The following ABCG8 variants were observed in gnomAD, a reference collection of about 807,000 sequenced individuals.
ABCG8 encodes ATP-binding cassette sub-family G member 8.
Under a neutral mutation model 71.3 loss-of-function variants are expected in ABCG8, and 81 were observed. That is an observed-to-expected ratio of 1.14 (90% CI 0.95 to 1.37). ABCG8 has a LOEUF of 1.37. ABCG8 is among the 40% of genes most tolerant of loss of function. ABCG8 has a pLI of 0.00. For missense variants in ABCG8, 1,119 were observed against 866.2 expected, an observed-to-expected ratio of 1.29 and a Z score of -3.66; for synonymous variants, 451 against 354.7, an observed-to-expected ratio of 1.27 and a Z score of -3.05.
At chr2:43,870,846 A>C (rs1558847832) in intron 6 of ABCG8, among the ~76,000 whole-genome samples, 3 of 150,502 alleles carry the variant, frequency 2.0e-5, no homozygotes, top group Admixed American at 2.0e-4. Flanking sequence ...CTCACTGTCT[A>C]TCTGGATAGA....
chr2:43,844,903 A>G (rs1264256339), intron 2 of ABCG8, among the ~76,000 whole-genome samples: 1 of 152,078 alleles, frequency 6.6e-6, no homozygotes, highest in East Asian at 1.9e-4. Flanking sequence ...TTTTGAAATA[A>G]CTTTAGATTT....
chr2:43,866,201 G>A (rs1392531451), intron 6 of ABCG8, among the ~76,000 whole-genome samples: 2 of 151,658 alleles, frequency 1.3e-5, no homozygotes, highest in Non-Finnish European at 2.9e-5. Flanking sequence ...AATTCAAGAT[G>A]GATTAAAGAG....
At chr2:43,852,910 G>A (rs1458689088) in intron 6 of ABCG8, 42 bp downstream of exon 6, 1 of 1,610,592 alleles carries the variant, frequency 6.2e-7, no homozygotes, top group Non-Finnish European at 8.5e-7. Context: ...GGCACACAGG[G>A]CCTCCCCGAT....
chr2:43,872,336 C>T (rs982420514), intron 8 of ABCG8, 30 bp downstream of exon 8: 6 of 1,595,744 alleles, frequency 3.8e-6, no homozygotes, highest in South Asian at 2.2e-5. Flanking sequence ...TTACTGAACC[C>T]GCCCCCCTGC....
In ABCG8 at chr2:43,872,148, C is replaced by A. The variant is rs574933503; in HGVS notation, c.1127+10C>A. ...ACACCTGTGTGGAAAGGTAAGGTGG[C>A]AGGCGACTCTGAGAGGAGAGCTCCC... On this transcript the variant is annotated intron_variant, in intron 7 of 12. Transcript: ENST00000272286. 1.2e-6 allele frequency: 2 copies of A among 1,614,096 alleles called. No homozygotes were observed. Among genetic ancestry groups the A allele is most frequent in the South Asian group, 1.1e-5 (1 of 91,074 alleles).
chr2:43,851,399 G>C (rs890299997), intron 3 of ABCG8, among the ~76,000 whole-genome samples, 185 bp from the exon 4 acceptor site: 10 of 152,256 alleles, frequency 6.6e-5, no homozygotes, highest in African/African-American at 2.4e-4. Context: ...CAGACAGAAG[G>C]CTTGGAGCTC....
intron 6 of ABCG8, among the ~76,000 whole-genome samples, chr2:43,858,525 G>T (rs1028095099): frequency 5.3e-5 from 8 of 151,496 alleles, no homozygotes; most frequent in Non-Finnish European, 1.0e-4. Flanking sequence ...TATCTCGATA[G>T]AATTCTCACC....
Position 43,839,074 on chromosome 2 carries a change from G to A in ABCG8, c.21G>A (p.Glu7=), listed in dbSNP as rs771255227. Residue 7 remains glutamate, a synonymous_variant, in exon 1 of 13, where the codon GAG becomes GAA. Coordinates refer to ENST00000272286, the MANE Select transcript of ABCG8 (RefSeq NM_022437.3). MAGKAA[E]ERGLPKGATP... ...GCCCCATGGCCGGGAAGGCGGCAGA[G>A]GAGAGAGGGCTGCCGAAAGGGGCCA... 1 of 1,551,208 alleles carries A rather than the reference G, an allele frequency of 6.4e-7. No individual in the cohort carries two copies. Among genetic ancestry groups the A allele is most frequent in the South Asian group, 1.2e-5 (1 of 84,044 alleles).
At position 43,877,996 on chromosome 2, in the gene ABCG8, G is replaced by A. The variant is rs141679476; in HGVS notation, c.*83G>A. On this transcript the variant is annotated 3_prime_UTR_variant, in exon 13 of 13. Transcript: ENST00000272286. ...CCCTCCTCAGGAGCCCCTTCCTGGGGACAGTGAGGACAATGACCCTACAGA... is the reference window on the plus strand; with the variant it reads ...CCCTCCTCAGGAGCCCCTTCCTGGGAACAGTGAGGACAATGACCCTACAGA... The A allele has an allele frequency of 2.0e-5, 32 of 1,595,490 alleles. No homozygotes were observed. The highest frequency in any genetic ancestry group is 4.5e-5 in the South Asian group (4 of 89,156).
intron 6 of ABCG8, among the ~76,000 whole-genome samples, chr2:43,863,403 A>T (rs550795712): frequency 7.0e-6 from 1 of 143,560 alleles, no homozygotes; most frequent in Non-Finnish European, 1.6e-5. Context: ...CTCGCTATTC[A>T]TCTAGAGAGA....
At chr2:43,857,710 C>G (rs1016378357) in intron 6 of ABCG8, among the ~76,000 whole-genome samples, 1 of 151,842 alleles carries the variant, frequency 6.6e-6, no homozygotes, top group South Asian at 2.1e-4. Flanking sequence ...CTCTTACTAC[C>G]TGGAGAGAAC....
intron 3 of ABCG8, chr2:43,846,568 T>C (rs1668749916): frequency 4.1e-6 from 2 of 493,550 alleles, no homozygotes. Flanking sequence ...CCAGAGCATC[T>C]GACTTTGGCT....
At chr2:43,877,246 G>A (rs1415608518) in intron 11 of ABCG8, among the ~76,000 whole-genome samples, 1 of 148,468 alleles carries the variant, frequency 6.7e-6, no homozygotes, top group Non-Finnish European at 1.5e-5. Flanking sequence ...GGGGGAGGCC[G>A]TGTCAATATA....
chr2:43,873,274 C>T (rs570961152), intron 8 of ABCG8, among the ~76,000 whole-genome samples: 16 of 151,868 alleles, frequency 1.1e-4, no homozygotes, highest in Admixed American at 5.9e-4. Context: ...CTGCAACCTC[C>T]GCCTCCCAGG....
At position 43,839,110 on chromosome 2, in the gene ABCG8, T is replaced by G; in HGVS notation, c.57T>G (p.Asp19Glu). 6.4e-7 allele frequency: 1 copy of G among 1,551,186 alleles called. No homozygotes were observed. Among genetic ancestry groups the G allele is most frequent in the Non-Finnish European group, 8.7e-7 (1 of 1,146,764 alleles). Residue 19 changes from aspartate (D) to glutamate (E), a missense_variant, in exon 1 of 13, where the codon GAT (aspartate) becomes GAG (glutamate). Coordinates refer to ENST00000272286, the MANE Select transcript of ABCG8 (RefSeq NM_022437.3). ...RGLPKGATPQ[D>E]TSGLQDRLFS... ...TGCCGAAAGGGGCCACTCCCCAGGA[T>G]ACCTCGGTGAGTGAGCAATGGGAAG...
Position 43,882,084 on chromosome 2 carries a change from A to T in ABCG8, c.*4171A>T, listed in dbSNP as rs1268444967. The T allele has an allele frequency of 5.3e-5, 8 of 152,310 alleles. No homozygotes were observed. In the East Asian group the frequency reaches 9.6e-4, roughly 18 times the overall value. The allele number at this position is 152,310 out of a possible 1,614,324, so 9.4% of individuals were successfully genotyped here. On this transcript the variant is annotated 3_prime_UTR_variant, in exon 13 of 13. Coordinates refer to ENST00000272286, the MANE Select transcript of ABCG8 (RefSeq NM_022437.3). ...ATTTTAAGCCCTCCAATTTCAAGTT[A>T]TGCTATTGGTGGGGAATTTTAATTA...
chr2:43,863,447 T>C (rs1669405687), intron 6 of ABCG8, among the ~76,000 whole-genome samples: 1 of 151,104 alleles, frequency 6.6e-6, no homozygotes, highest in Admixed American at 6.6e-5. Context: ...ACTAACTGGA[T>C]AGAATTCCTA....
At chr2:43,847,405 A>C (rs1668777500) in intron 3 of ABCG8, 1 of 152,098 alleles carries the variant, frequency 6.6e-6, no homozygotes, top group Non-Finnish European at 1.5e-5. Flanking sequence ...TCCTGACCTA[A>C]ATAAGAAAAA....
chr2:43,875,177 ACAT>A lies in ABCG8; in HGVS notation c.1528_1530del (p.Ile510del). On this transcript the variant is annotated inframe_deletion, in exon 11 of 13. Coordinates refer to ENST00000272286, the MANE Select transcript of ABCG8 (RefSeq NM_022437.3). ...GGGGAGCTTCCGGAGCACTGTGCCT[ACAT>A]CATCATCTACGGGATGCCCACCTAC... 1 of 1,614,220 alleles carries A rather than the reference ACAT, an allele frequency of 6.2e-7. No homozygotes were observed.
Sources: gnomAD v4.1 joint callset for allele counts (sites outside exome capture counted in the v4.1 genomes callset) on GRCh38, gnomAD v4.1.1 for gene constraint, MANE v1.5 for transcripts, NCBI Gene and HGNC (gene_info 2026-07-23, HGNC 2026-07-21) for gene names.